Variants in VAV3 observed in about 807,000 individuals in gnomAD.
VAV3 encodes vav guanine nucleotide exchange factor 3, also known as guanine nucleotide exchange factor VAV3.
In VAV3, 94 loss-of-function variants were observed where a neutral mutation model predicts 131.2. That is an observed-to-expected ratio of 0.72 (90% CI 0.61 to 0.85). VAV3 has a LOEUF of 0.85. VAV3 is among the 40% of genes least tolerant of loss of function. The pLI is 0.00. For missense variants in VAV3, 939 were observed against 1,002.7 expected (o/e 0.94, Z 0.86); for synonymous variants, 349 against 342.0 (o/e 1.02, Z -0.22).
At chr1:107,765,810 C>T (rs1259295739) in intron 8 of VAV3, among the ~76,000 whole-genome samples, 2 of 152,134 alleles carry the variant, frequency 1.3e-5, no homozygotes, top group African/African-American at 4.8e-5. Context: ...GGAAAAAAGA[C>T]ACTACTAATA....
chr1:107,873,762 T>G (rs345315), intron 2 of VAV3, among the ~76,000 whole-genome samples: 8,756 of 152,166 alleles, frequency 0.058, 777 homozygotes, highest in African/African-American at 0.19. Context: ...CCCTTCCTTT[T>G]GTACAGCTTT....
chr1:107,720,428 T>TAAATAAATAAATA (rs1220503756), intron 15 of VAV3, among the ~76,000 whole-genome samples: 4 of 114,644 alleles, frequency 3.5e-5, no homozygotes, highest in Non-Finnish European at 7.0e-5. Flanking sequence ...AATAAATAAA[T>TAAATAAATAAATA]AAAAGTTCCA....
At chr1:107,602,717 C>CATTG (rs1385236108) in intron 23 of VAV3, among the ~76,000 whole-genome samples, 2 of 151,990 alleles carry the variant, frequency 1.3e-5, no homozygotes, top group Non-Finnish European at 2.9e-5. Flanking sequence ...ATTCATTATG[C>CATTG]ACAATTTATT....
chr1:107,755,651 G>T, intron 11 of VAV3, 138 bp from the exon 12 acceptor site: 1 of 619,120 alleles, frequency 1.6e-6, no homozygotes, highest in Non-Finnish European at 2.8e-6. Flanking sequence ...TAAAATGAAT[G>T]CCCAGTCAAT....
At chr1:107,650,702 CT>C (rs1430851206) in intron 19 of VAV3, among the ~76,000 whole-genome samples, 69 of 122,540 alleles carry the variant, frequency 5.6e-4, no homozygotes, top group African/African-American at 2.4e-3. Context: ...AATGCTATCC[CT>C]CCCCCCCCTC....
chr1:107,623,579 C>T (rs1177922020), intron 20 of VAV3, among the ~76,000 whole-genome samples: 1 of 152,142 alleles, frequency 6.6e-6, no homozygotes, highest in East Asian at 1.9e-4. Flanking sequence ...GCTTTCTTGG[C>T]AGTACACATA....
At chr1:107,950,141 TACTTCTAC>T (rs1674466216) in intron 1 of VAV3, among the ~76,000 whole-genome samples, 1 of 146,958 alleles carries the variant, frequency 6.8e-6, no homozygotes, top group East Asian at 2.0e-4. Flanking sequence ...AAAAAAAAAG[TACTTCTAC>T]TGTATAGTGT....
intron 1 of VAV3, among the ~76,000 whole-genome samples, chr1:107,915,899 T>C (rs933309145): frequency 2.0e-5 from 3 of 151,652 alleles, no homozygotes; most frequent in Non-Finnish European, 4.4e-5. Context: ...TGTGGTCTAG[T>C]AGGAAAATTA....
At chr1:107,843,724 G>C (rs1668834497) in intron 2 of VAV3, among the ~76,000 whole-genome samples, 1 of 152,022 alleles carries the variant, frequency 6.6e-6, no homozygotes. Flanking sequence ...CTCCCCCCAT[G>C]GGGTTATTCC....
intron 20 of VAV3, among the ~76,000 whole-genome samples, chr1:107,640,429 A>G (rs1232051385): frequency 2.0e-5 from 3 of 152,198 alleles, no homozygotes; most frequent in African/African-American, 7.2e-5. Context: ...CTCCAGTCTG[A>G]AAGCAGAACA....
chr1:107,799,932 G>C (rs1473534753), intron 2 of VAV3, among the ~76,000 whole-genome samples: 1 of 152,098 alleles, frequency 6.6e-6, no homozygotes, highest in Non-Finnish European at 1.5e-5. Context: ...ACATATGAGT[G>C]AGAACATGTA....
chr1:107,713,965 C>T lies in VAV3; in HGVS notation c.1503-8904G>A, dbSNP rs184159304. Among the ~76,000 whole-genome samples, 402 of 152,016 alleles carry T rather than the reference C, an allele frequency of 2.6e-3. 1 individual carries two copies. The highest frequency in any genetic ancestry group is 9.4e-3 in the African/African-American group (388 of 41,474). On this transcript the variant is annotated intron_variant, in intron 15 of 26. Transcript: ENST00000370056. ...AACATATGAAATTTAACGTTTGTGC[C>T]GAATGTTCAAATACTAGCTCTAGAC...
intron 17 of VAV3, among the ~76,000 whole-genome samples, chr1:107,692,677 T>C (rs749750365): frequency 5.9e-5 from 9 of 152,134 alleles, no homozygotes; most frequent in Non-Finnish European, 1.3e-4. Context: ...TCTCTCAGTT[T>C]TAAACCACTA....
At chr1:107,612,408 G>A (rs2101170755) in intron 21 of VAV3, among the ~76,000 whole-genome samples, 1 of 152,062 alleles carries the variant, frequency 6.6e-6, no homozygotes, top group East Asian at 1.9e-4. Flanking sequence ...AGACATTGTA[G>A]TTTCACACTG....
intron 2 of VAV3, among the ~76,000 whole-genome samples, chr1:107,806,071 A>T (rs932384306): frequency 6.6e-6 from 1 of 152,166 alleles, no homozygotes; most frequent in Non-Finnish European, 1.5e-5. Context: ...GTTACAAAGC[A>T]GAGTTTCCAG....
chr1:107,796,789 G>GT (rs1666567584), intron 2 of VAV3, among the ~76,000 whole-genome samples: 2 of 86,614 alleles, frequency 2.3e-5, no homozygotes, highest in African/African-American at 6.6e-5. Flanking sequence ...GCTGTTATTT[G>GT]TAAAAAAAAA....
At chr1:107,733,517 T>G (rs1164631648) in intron 15 of VAV3, among the ~76,000 whole-genome samples, 2 of 152,106 alleles carry the variant, frequency 1.3e-5, no homozygotes, top group African/African-American at 4.8e-5. Flanking sequence ...AATGGCTAAC[T>G]AGAATAAACA....
chr1:107,835,632 G>A (rs561785589), intron 2 of VAV3, among the ~76,000 whole-genome samples: 1 of 152,178 alleles, frequency 6.6e-6, no homozygotes, highest in African/African-American at 2.4e-5. Context: ...AAAACTAGCA[G>A]GTAGGGACAG....
rs1459621591 is a variant in VAV3 at position 107,705,044 on chromosome 1, T to C, written c.1520A>G (p.Asp507Gly). ...GTCGTGGAAATTGGAGTCTGCATAG[T>C]CTGGTCTTATGTTAGACCTAAAAAA... Reference protein sequence around the residue: ...FEMALSNIRPDYADSNFHDFK... With the variant: ...FEMALSNIRPGYADSNFHDFK... The change falls in exon 16 of 27, where the codon GAC (aspartate) becomes GGC (glycine). Residue 507 changes from aspartate (D) to glycine (G), a missense_variant. By Grantham distance (94) the Asp-to-Gly change is moderately conservative. Transcript: ENST00000370056. 4 of 1,613,148 alleles carry C rather than the reference T, an allele frequency of 2.5e-6. No homozygotes were observed. Among genetic ancestry groups the C allele is most frequent in the Non-Finnish European group, 3.4e-6 (4 of 1,179,468 alleles).
Sources: gnomAD v4.1 joint callset for allele counts (sites outside exome capture counted in the v4.1 genomes callset) on GRCh38, gnomAD v4.1.1 for gene constraint, MANE v1.5 for transcripts, NCBI Gene and HGNC (gene_info 2026-07-23, HGNC 2026-07-21) for gene names.